Variants in NEU3 observed in about 807,000 individuals in gnomAD.
The protein encoded by NEU3 is sialidase-3.
A neutral mutation model predicts 11.4 loss-of-function variants in NEU3; 10 were observed. That is an observed-to-expected ratio of 0.88 (90% CI 0.54 to 1.49). The LOEUF (loss-of-function observed/expected upper bound fraction) is 1.49, where lower values mean the gene tolerates loss of function less well. Among genes scored for constraint, NEU3 ranks in the 40% most tolerant of loss-of-function variants. NEU3 has a pLI of 0.00. For synonymous variants in NEU3, 212 were observed against 228.2 expected (o/e 0.93, Z 0.64); for missense variants, 529 against 581.8 (o/e 0.91, Z 0.93).
At chr11:75,011,709 C>T (rs947345569), downstream of NEU3, among the ~76,000 whole-genome samples, 1 of 149,822 alleles carries the variant, frequency 6.7e-6, no homozygotes, top group African/African-American at 2.4e-5. Flanking sequence ...TTGAATTAGA[C>T]ATATCTATAT....
Position 75,006,761 on chromosome 11 carries a change from C to T in NEU3, c.*269C>T, listed in dbSNP as rs1948904437. On this transcript the variant is annotated 3_prime_UTR_variant, in exon 3 of 3. Coordinates refer to ENST00000294064, the MANE Select transcript of NEU3 (RefSeq NM_006656.6). ...GATGTGTCACCTGAACTCTCTGGAC[C>T]TCAGGTTTCCATCTGTAAAATGAGA... 5.1e-6 allele frequency: 2 copies of T among 391,144 alleles called. No individual in the cohort carries two copies. Among genetic ancestry groups the T allele is most frequent in the African/African-American group, 2.1e-5 (1 of 48,510 alleles). 24.2% of individuals were successfully genotyped at this position (391,144 alleles called of 1,614,324 possible). A position where few individuals can be genotyped will look rare whatever the true frequency, so the allele number is the denominator to read the frequency against.
Position 75,006,525 on chromosome 11 carries a change from T to A in NEU3, c.*33T>A. On this transcript the variant is annotated 3_prime_UTR_variant, in exon 3 of 3. Transcript: ENST00000294064. ...AGGACCCAATTTCCATAGATGCAAA[T>A]GGCAGTTACAGACAGGTTAACAGAA... The A allele has an allele frequency of 6.4e-7, 1 of 1,573,558 alleles. No homozygotes were observed. Among genetic ancestry groups the A allele is most frequent in the Non-Finnish European group, 8.6e-7 (1 of 1,160,328 alleles).
intron 1 of NEU3, chr11:74,990,068 T>C (rs1247186551): frequency 1.4e-6 from 1 of 700,070 alleles, no homozygotes; most frequent in East Asian, 2.7e-5. Flanking sequence ...ATGGCTCTAA[T>C]TGTTATAGTG....
At chr11:74,991,836 TTCAA>T (rs1948735115) in intron 1 of NEU3, among the ~76,000 whole-genome samples, 1 of 152,218 alleles carries the variant, frequency 6.6e-6, no homozygotes, top group African/African-American at 2.4e-5. Context: ...CACTGATTCA[TTCAA>T]TCATTCAACA....
rs770073579 is a variant in NEU3 at position 75,006,327 on chromosome 11, T to C, written c.1221T>C (p.Ala407=). The C allele has an allele frequency of 6.2e-7, 1 of 1,614,024 alleles. No individual in the cohort carries two copies. The highest frequency in any genetic ancestry group is 8.5e-7 in the Non-Finnish European group (1 of 1,179,898). ...HCGPCGYSDL[A]ALEEEGLFGC... The stretch of plus-strand genomic sequence containing the variant: ...GGCCCTGTGGCTACTCTGATCTGGC[T>C]GCTCTGGAGGAGGAGGGCTTGTTTG... The change falls in exon 3 of 3, where the codon GCT becomes GCC. Residue 407 remains alanine (A), a synonymous_variant. Transcript: ENST00000294064.
In NEU3 at chr11:75,006,772, A is replaced by G. The variant is rs1222282682; in HGVS notation, c.*280A>G. On this transcript the variant is annotated 3_prime_UTR_variant, in exon 3 of 3. Transcript: ENST00000294064. ...TGAACTCTCTGGACCTCAGGTTTCC[A>G]TCTGTAAAATGAGAGTATTGGTTCT... 8.4e-6 allele frequency: 3 copies of G among 355,626 alleles called. No homozygotes were observed. The highest frequency in any genetic ancestry group is 6.3e-5 in the African/African-American group (3 of 47,530). 22.0% of individuals were successfully genotyped at this position (355,626 alleles called of 1,614,324 possible). A position where few individuals can be genotyped will look rare whatever the true frequency, so the allele number is the denominator to read the frequency against.
At chr11:75,015,044 G>A (rs938272479), downstream of NEU3, among the ~76,000 whole-genome samples, 5 of 152,056 alleles carry the variant, frequency 3.3e-5, no homozygotes, top group African/African-American at 4.8e-5. Context: ...TAATGTGTGC[G>A]CAATGTGTAT....
intron 2 of NEU3, among the ~76,000 whole-genome samples, chr11:74,999,329 C>T (rs1180771486): frequency 6.6e-6 from 1 of 152,186 alleles, no homozygotes; most frequent in African/African-American, 2.4e-5. Context: ...TTTATCAGAC[C>T]ACACCTGTTG....
chr11:75,001,064 A>G (rs1048355080), intron 2 of NEU3, among the ~76,000 whole-genome samples: 13 of 152,020 alleles, frequency 8.6e-5, no homozygotes, highest in Non-Finnish European at 1.5e-4. Context: ...ACACCATTTT[A>G]TATTCCTACC....
rs7115499 is a variant in NEU3 at position 74,994,557 on chromosome 11, G to C, written c.143G>C (p.Arg48Pro). 6.2e-7 allele frequency: 1 copy of C among 1,613,750 alleles called. No homozygotes were observed. Residue 48 changes from arginine to proline, a missense_variant, in exon 2 of 3, where the codon CGG becomes CCG. Coordinates refer to ENST00000294064, the MANE Select transcript of NEU3 (RefSeq NM_006656.6). ...TGCTCCTTCAACAGCCCTCTGTTCC[G>C]GCAGGAAGATGACAGAGGGATTACC... Reference protein sequence around the residue: ...TTCSFNSPLFRQEDDRGITYR... With the variant: ...TTCSFNSPLFPQEDDRGITYR...
chr11:75,011,603 A>C (rs1448219449), downstream of NEU3, among the ~76,000 whole-genome samples: 1 of 152,220 alleles, frequency 6.6e-6, no homozygotes, highest in Non-Finnish European at 1.5e-5. Context: ...GAAACTGATA[A>C]GGGTTGAGAG....
chr11:74,992,677 C>T (rs185502086), intron 1 of NEU3, among the ~76,000 whole-genome samples: 27 of 152,094 alleles, frequency 1.8e-4, no homozygotes, highest in Middle Eastern at 3.4e-3. Context: ...ATAACAAAGC[C>T]GGCCGGGCAC....
chr11:74,982,868 T>A, the NEU3 span, among the ~76,000 whole-genome samples: 1 of 152,112 alleles, frequency 6.6e-6, no homozygotes, highest in Non-Finnish European at 1.5e-5. Flanking sequence ...AACAACTGTC[T>A]CCTGCAGGCT....
chr11:75,005,328 T>G lies in NEU3; in HGVS notation c.307-85T>G, dbSNP rs1948885657. ...AGATTTCAATATCATTTATTTCTTA[T>G]TTATGAAAAATACTAATACTTTTAA... On this transcript the variant is annotated intron_variant, in intron 2 of 2. Transcript: ENST00000294064. 5.3e-6 allele frequency: 7 copies of G among 1,331,888 alleles called. No homozygotes were observed. The East Asian group carries it at 1.8e-4, about 34-fold the overall frequency. The allele number at this position is 1,331,888 out of a possible 1,614,324, so 82.5% of individuals were successfully genotyped here.
At chr11:75,013,746 TATAC>T (rs1948969643), downstream of NEU3, among the ~76,000 whole-genome samples, 1 of 152,242 alleles carries the variant, frequency 6.6e-6, no homozygotes, top group Admixed American at 6.5e-5. Flanking sequence ...TACTTTGGGT[TATAC>T]ATACATTCTC....
At position 74,988,995 on chromosome 11, in the gene NEU3, C is replaced by A; in HGVS notation, c.-66C>A. Reference sequence around the variant, plus strand: ...TGTCCTCCGTCTCAGTTGTTTCTCCCTCTCTATCCTCCTCTGTCTCAGTCT... The same window carrying A: ...TGTCCTCCGTCTCAGTTGTTTCTCCATCTCTATCCTCCTCTGTCTCAGTCT... On this transcript the variant is annotated 5_prime_UTR_variant, in exon 1 of 3. Coordinates refer to ENST00000294064, the MANE Select transcript of NEU3 (RefSeq NM_006656.6). The A allele has an allele frequency of 1.6e-6, 2 of 1,237,446 alleles. No homozygotes were observed. Among genetic ancestry groups the A allele is most frequent in the Non-Finnish European group, 2.3e-6 (2 of 873,912 alleles). 76.7% of individuals were successfully genotyped at this position (1,237,446 alleles called of 1,614,324 possible).
At chr11:75,014,884 T>C (rs1272681477), downstream of NEU3, among the ~76,000 whole-genome samples, 1 of 152,060 alleles carries the variant, frequency 6.6e-6, no homozygotes, top group African/African-American at 2.4e-5. Flanking sequence ...AAAAAAAGAA[T>C]AATAAAAATA....
At chr11:75,016,451 T>C (rs1448975811) in intron 3 of NEU3, among the ~76,000 whole-genome samples, 1 of 152,206 alleles carries the variant, frequency 6.6e-6, no homozygotes, top group Non-Finnish European at 1.5e-5. Flanking sequence ...GGTTTCTGTT[T>C]TGAAGTTGAA....
chr11:75,005,841 G>C lies in NEU3; in HGVS notation c.735G>C (p.Trp245Cys). Residue 245 changes from tryptophan to cysteine, a missense_variant, in exon 3 of 3, where the codon TGG becomes TGC. By Grantham distance (215) the Trp-to-Cys change is radical (BLOSUM62 -2). Coordinates refer to ENST00000294064, the MANE Select transcript of NEU3 (RefSeq NM_006656.6). Reference sequence around the variant, plus strand: ...ACAGTGATGACCTAGGGGTCACATGGCACCATGGTAGACTCATTAGGCCCA... The same window carrying C: ...ACAGTGATGACCTAGGGGTCACATGCCACCATGGTAGACTCATTAGGCCCA... Reference protein sequence around the residue: ...MIYSDDLGVTWHHGRLIRPMV... With the variant: ...MIYSDDLGVTCHHGRLIRPMV... 6.2e-7 allele frequency: 1 copy of C among 1,613,940 alleles called. No homozygotes were observed. Among genetic ancestry groups the C allele is most frequent in the African/African-American group, 1.3e-5 (1 of 75,054 alleles).
Sources: allele counts gnomAD v4.1 joint callset (sites outside exome capture counted in the v4.1 genomes callset), GRCh38; gene constraint gnomAD v4.1.1; transcripts MANE v1.5; gene names NCBI Gene and HGNC (gene_info 2026-07-23, HGNC 2026-07-21).